Variants in R3HCC1L observed in about 807,000 individuals in gnomAD.
R3HCC1L encodes the protein coiled-coil domain-containing protein R3HCC1L.
A neutral mutation model predicts 59.9 loss-of-function variants in R3HCC1L; 51 were observed. The ratio of observed to expected loss-of-function variants is 0.85; its 90% CI spans 0.68 to 1.07. The LOEUF (loss-of-function observed/expected upper bound fraction) is 1.07, where lower values mean the gene tolerates loss of function less well. Ranked by LOEUF, R3HCC1L falls within the 50% of genes least tolerant of loss-of-function variation. R3HCC1L has a pLI of 0.00. For synonymous variants in R3HCC1L, 322 were observed against 315.2 expected (o/e 1.02, Z -0.23); for missense variants, 965 against 933.0 (o/e 1.03, Z -0.45).
At chr10:98,203,566 G>A (rs1216376756) in intron 4 of R3HCC1L, among the ~76,000 whole-genome samples, 3 of 152,124 alleles carry the variant, frequency 2.0e-5, no homozygotes, top group Non-Finnish European at 4.4e-5. Flanking sequence ...GGTAAATACT[G>A]GATTAAATCA....
chr10:98,184,059 G>T (rs192011048), intron 4 of R3HCC1L, among the ~76,000 whole-genome samples: 1 of 144,982 alleles, frequency 6.9e-6, no homozygotes, highest in Admixed American at 6.9e-5. Context: ...TTCCTGAGAC[G>T]TGTGTGTGTG....
chr10:98,208,322 A>G lies in R3HCC1L; in HGVS notation c.208A>G (p.Arg70Gly), dbSNP rs1351422758. 1.9e-6 allele frequency: 3 copies of G among 1,614,202 alleles called. No homozygotes were observed. The highest frequency in any genetic ancestry group is 3.3e-5 in the Admixed American group (2 of 60,014). The change falls in exon 5 of 10, where the codon AGA becomes GGA. Residue 70 changes from arginine (R) to glycine (G), a missense_variant. Physicochemically the swap from Arg to Gly is moderately radical, Grantham distance 125. Coordinates refer to ENST00000298999, the MANE Select transcript of R3HCC1L (RefSeq NM_001351015.2). The stretch of plus-strand genomic sequence containing the variant: ...CTTTAAAGACAAACCGGAGGCTCGA[A>G]GACTAAATATCAATCCTGATAGAAA... ...EVFKDKPEARRLNINPDRKEH... is the reference protein window; with the variant it reads ...EVFKDKPEARGLNINPDRKEH...
At chr10:98,215,101 C>T (rs1041774352) in intron 5 of R3HCC1L, among the ~76,000 whole-genome samples, 1 of 152,134 alleles carries the variant, frequency 6.6e-6, no homozygotes. Context: ...CTGACTGGGT[C>T]TCAGCCAGTC....
At chr10:98,143,167 A>T (rs533390191) in intron 1 of R3HCC1L, among the ~76,000 whole-genome samples, 17 of 152,344 alleles carry the variant, frequency 1.1e-4, no homozygotes, top group African/African-American at 2.9e-4. Context: ...AGATGAGATT[A>T]TTAGCTTGTT....
chr10:98,179,043 A>T (rs925410108), intron 4 of R3HCC1L, among the ~76,000 whole-genome samples: 1 of 152,198 alleles, frequency 6.6e-6, no homozygotes, highest in Admixed American at 6.5e-5. Context: ...TCCTAATTGA[A>T]TACCCTTTAT....
intron 4 of R3HCC1L, among the ~76,000 whole-genome samples, chr10:98,187,875 T>C (rs1850393957): frequency 6.6e-6 from 1 of 151,878 alleles, no homozygotes; most frequent in East Asian, 1.9e-4. Flanking sequence ...TAGGTAGGGC[T>C]ACAGATGTGC....
At chr10:98,215,482 C>T (rs11189516) in intron 5 of R3HCC1L, among the ~76,000 whole-genome samples, 5 of 152,132 alleles carry the variant, frequency 3.3e-5, no homozygotes, top group African/African-American at 9.7e-5. Flanking sequence ...TAATACTTCA[C>T]GTTCACAATC....
chr10:98,135,498 G>A (rs1357020026), intron 1 of R3HCC1L, among the ~76,000 whole-genome samples: 2 of 152,192 alleles, frequency 1.3e-5, no homozygotes, highest in Non-Finnish European at 2.9e-5. Context: ...GTATGTTTCG[G>A]GTATAACCTT....
intron 5 of R3HCC1L, among the ~76,000 whole-genome samples, chr10:98,214,579 A>G (rs1853950048): frequency 6.6e-6 from 1 of 152,174 alleles, no homozygotes; most frequent in South Asian, 2.1e-4. Flanking sequence ...CTTGTGCCCA[A>G]ATCTTGTTGT....
chr10:98,208,671 G>A lies in R3HCC1L; in HGVS notation c.557G>A (p.Cys186Tyr), dbSNP rs369258826. ...PSKPFQNVEF[C>Y]DFSRHEPDGE... ...AAACCATTCCAAAATGTGGAATTCT[G>A]TGACTTCAGTAGGCATGAACCTGAT... Residue 186 changes from cysteine (C) to tyrosine (Y), a missense_variant, in exon 5 of 10, where the codon TGT becomes TAT. Transcript: ENST00000298999. The A allele has an allele frequency of 3.1e-6, 5 of 1,614,040 alleles. No homozygotes were observed. Among genetic ancestry groups the A allele is most frequent in the African/African-American group, 1.3e-5 (1 of 74,928 alleles).
chr10:98,207,285 C>T lies in R3HCC1L; in HGVS notation c.-14-816C>T, dbSNP rs749269806. ...AAAGAATAATTCAATATGAAATTCC[C>T]TAGCACATTTTCTTGTATTTTAGTA... On this transcript the variant is annotated intron_variant, in intron 4 of 9. Transcript: ENST00000298999. Among the ~76,000 whole-genome samples the T allele has an allele frequency of 8.4e-4, 128 of 152,304 alleles. 1 individual carries two copies. Among genetic ancestry groups the T allele is most frequent in the Non-Finnish European group, 1.5e-3 (102 of 68,028 alleles).
intron 5 of R3HCC1L, among the ~76,000 whole-genome samples, chr10:98,210,811 C>A (rs973261976): frequency 5.9e-5 from 9 of 152,142 alleles, no homozygotes; most frequent in African/African-American, 1.7e-4. Context: ...TAAAGGATTT[C>A]TTTTGAGGCA....
At chr10:98,189,168 G>A (rs1035418093) in intron 4 of R3HCC1L, among the ~76,000 whole-genome samples, 5 of 152,174 alleles carry the variant, frequency 3.3e-5, no homozygotes, top group Non-Finnish European at 7.4e-5. Context: ...TTTAGGTTGA[G>A]AGAAATAGAA....
At chr10:98,201,232 T>G (rs1852010032) in intron 4 of R3HCC1L, among the ~76,000 whole-genome samples, 1 of 152,244 alleles carries the variant, frequency 6.6e-6, no homozygotes, top group African/African-American at 2.4e-5. Flanking sequence ...CTGTTGAATC[T>G]TAACATTCAA....
At chr10:98,171,307 TAA>T (rs1848486041) in intron 4 of R3HCC1L, among the ~76,000 whole-genome samples, 1 of 152,234 alleles carries the variant, frequency 6.6e-6, no homozygotes, top group Non-Finnish European at 1.5e-5. Flanking sequence ...TCGGTAAGTC[TAA>T]TTCCAAGGCT....
intron 4 of R3HCC1L, among the ~76,000 whole-genome samples, chr10:98,187,914 AT>A (rs771220717): frequency 6.7e-6 from 1 of 150,330 alleles, no homozygotes; most frequent in Non-Finnish European, 1.5e-5. Flanking sequence ...TTAAAAAACA[AT>A]TTTTTTTTGT....
At chr10:98,242,408 G>A (rs140434225) in intron 9 of R3HCC1L, among the ~76,000 whole-genome samples, 266 of 152,282 alleles carry the variant, frequency 1.7e-3, no homozygotes, top group African/African-American at 5.8e-3. Flanking sequence ...TATGGTATCT[G>A]TCTTATAACG....
At position 98,209,355 on chromosome 10, in the gene R3HCC1L, A is replaced by C. The variant is rs764611902; in HGVS notation, c.1241A>C (p.Lys414Thr). ...TCTATTAATACACGAAGTTTCTCAA[A>C]GTTTGTAGGAATGAGTGCAGATGCA... ...ETSINTRSFS[K>T]FVGMSADATP... The change falls in exon 5 of 10, where the codon AAG becomes ACG. Residue 414 changes from lysine to threonine, a missense_variant. Coordinates refer to ENST00000298999, the MANE Select transcript of R3HCC1L (RefSeq NM_001351015.2). The C allele has an allele frequency of 2.5e-6, 4 of 1,613,908 alleles. No homozygotes were observed. In the African/African-American group the frequency reaches 5.3e-5, roughly 22 times the overall value.
At chr10:98,141,091 G>GT (rs1331233471) in intron 1 of R3HCC1L, among the ~76,000 whole-genome samples, 24 of 151,802 alleles carry the variant, frequency 1.6e-4, no homozygotes, top group Admixed American at 1.4e-3. Flanking sequence ...CCCAAAAGCT[G>GT]TTTATAAGTC....
Sources: gnomAD v4.1 joint callset for allele counts (sites outside exome capture counted in the v4.1 genomes callset) on GRCh38, gnomAD v4.1.1 for gene constraint, MANE v1.5 for transcripts, NCBI Gene and HGNC (gene_info 2026-07-23, HGNC 2026-07-21) for gene names.